The following VPS45 variants were observed in gnomAD, a reference collection of about 807,000 sequenced individuals.
The protein encoded by VPS45 is vacuolar protein sorting 45 homolog.
A neutral mutation model predicts 75.9 loss-of-function variants in VPS45; 35 were observed. That is an observed-to-expected ratio of 0.46 (90% CI 0.35 to 0.61). The LOEUF (loss-of-function observed/expected upper bound fraction) is 0.61. Ranked by LOEUF, VPS45 falls within the 20% of genes least tolerant of loss-of-function variation. The probability of loss-of-function intolerance (pLI) is 0.00; values close to 1 mark genes in which losing one functional copy is unlikely to be tolerated. For synonymous variants in VPS45, 220 were observed against 238.2 expected, an observed-to-expected ratio of 0.92 and a Z score of 0.70; for missense variants, 559 against 685.9, an observed-to-expected ratio of 0.81 and a Z score of 2.07.
chr1:150,086,237 T>C (rs587643437), intron 10 of VPS45, among the ~76,000 whole-genome samples: 1 of 152,164 alleles, frequency 6.6e-6, no homozygotes, highest in Non-Finnish European at 1.5e-5. Flanking sequence ...ACTCTAAAAC[T>C]CAGTCCTTTT....
At chr1:150,130,197 A>ATTTT (rs1553811978) in intron 14 of VPS45, among the ~76,000 whole-genome samples, 1 of 14,296 alleles carries the variant, frequency 7.0e-5, no homozygotes, top group African/African-American at 2.9e-4. Flanking sequence ...ACACACACAC[A>ATTTT]CTTTTTTTTT....
chr1:150,112,067 T>A (rs1553807273), intron 14 of VPS45, among the ~76,000 whole-genome samples: 2 of 152,230 alleles, frequency 1.3e-5, no homozygotes, highest in Non-Finnish European at 1.5e-5. Context: ...TCTTTGTTAG[T>A]GTCCAGAACT....
rs182879740 is a variant in VPS45 at position 150,134,295 on chromosome 1, T to G, written c.1626-10414T>G. ...TTCTCTTGAAAAGTCAAAACTCATA[T>G]TAGCATATTAAAGATTCTGAGAAAA... On this transcript the variant is annotated intron_variant, in intron 14 of 14. Transcript: ENST00000644510. Among the ~76,000 whole-genome samples the G allele has an allele frequency of 5.5e-3, 836 of 152,358 alleles. 6 individuals are homozygous for G. Among genetic ancestry groups the G allele is most frequent in the Middle Eastern group, 0.027 (8 of 294 alleles).
chr1:150,074,109 G>A (rs1483133641), intron 3 of VPS45, among the ~76,000 whole-genome samples: 1 of 151,436 alleles, frequency 6.6e-6, no homozygotes, highest in Admixed American at 6.6e-5. Context: ...CCACCTCCCG[G>A]GTTCAAGCGA....
chr1:150,069,543 G>A (rs868911491), intron 2 of VPS45, among the ~76,000 whole-genome samples: 5 of 142,612 alleles, frequency 3.5e-5, no homozygotes, highest in South Asian at 4.5e-4. Context: ...TGCAAGCTCC[G>A]CCTCCCGGGT....
At chr1:150,125,435 G>A (rs1275405589) in intron 14 of VPS45, among the ~76,000 whole-genome samples, 1 of 150,774 alleles carries the variant, frequency 6.6e-6, no homozygotes, top group African/African-American at 2.4e-5. Context: ...GTATACATGT[G>A]CCATGTTGGT....
At chr1:150,082,615 G>A in intron 9 of VPS45, 101 bp from the exon 10 acceptor site, 6 of 1,427,470 alleles carry the variant, frequency 4.2e-6, no homozygotes, top group South Asian at 2.8e-5. Context: ...CTTTAATCTG[G>A]GCTGAAAAAC....
intron 13 of VPS45, chr1:150,109,924 T>C (rs1657551291): frequency 6.6e-6 from 1 of 152,194 alleles, no homozygotes. Context: ...AAAGATAGAG[T>C]TCCTAGAAGC....
At chr1:150,105,798 G>A (rs1553805572) in intron 13 of VPS45, among the ~76,000 whole-genome samples, 1 of 152,120 alleles carries the variant, frequency 6.6e-6, no homozygotes, top group African/African-American at 2.4e-5. Context: ...AGCCTGAATA[G>A]CCAAGGTGCT....
intron 13 of VPS45, among the ~76,000 whole-genome samples, chr1:150,104,094 C>T (rs1657186326): frequency 6.6e-6 from 1 of 151,912 alleles, no homozygotes; most frequent in Admixed American, 6.6e-5. Flanking sequence ...TTTATTGTTT[C>T]CGAACACTTT....
At chr1:150,087,563 A>T (rs1301733325) in intron 10 of VPS45, among the ~76,000 whole-genome samples, 1 of 152,132 alleles carries the variant, frequency 6.6e-6, no homozygotes, top group Non-Finnish European at 1.5e-5. Flanking sequence ...TGAAATCTCA[A>T]TGTAATGTAT....
chr1:150,127,685 G>A (rs782497531), intron 14 of VPS45, among the ~76,000 whole-genome samples: 8 of 152,224 alleles, frequency 5.3e-5, no homozygotes, highest in Non-Finnish European at 1.0e-4. Flanking sequence ...CATAAAGCTA[G>A]TAAGTGGTAA....
Position 150,144,754 on chromosome 1 carries a change from G to A in VPS45, c.1671G>A (p.Lys557=). 6.2e-7 allele frequency: 1 copy of A among 1,614,170 alleles called. No individual in the cohort carries two copies. The highest frequency in any genetic ancestry group is 1.1e-5 in the South Asian group (1 of 91,078). ...CTTCTGGACTGCACAGCCGAAGCAAGGAGAGCTCTCAAGTCACATCAAGGT... is the reference window on the plus strand; with the variant it reads ...CTTCTGGACTGCACAGCCGAAGCAAAGAGAGCTCTCAAGTCACATCAAGGT... ...VLASGLHSRS[K]ESSQVTSRSA... Residue 557 remains lysine, a synonymous_variant, in exon 15 of 15, where the codon AAG becomes AAA. Coordinates refer to ENST00000644510, the MANE Select transcript of VPS45 (RefSeq NM_007259.5).
chr1:150,076,221 C>G lies in VPS45; in HGVS notation c.290-12C>G. 6.3e-7 allele frequency: 1 copy of G among 1,596,778 alleles called. No individual in the cohort carries two copies. Among genetic ancestry groups the G allele is most frequent in the Non-Finnish European group, 8.5e-7 (1 of 1,169,648 alleles). ...TATCTCCTTTGAGTCAACCCCAACT[C>G]ATGTGTTTCAGATTTCAGTAATGTG... On this transcript the variant is annotated splice_polypyrimidine_tract_variant and intron_variant, in intron 3 of 14. Transcript: ENST00000644510.
At chr1:150,072,672 A>AACT (rs1198741898) in intron 3 of VPS45, among the ~76,000 whole-genome samples, 1 of 142,504 alleles carries the variant, frequency 7.0e-6, no homozygotes, top group Non-Finnish European at 1.5e-5. Context: ...AAAAAAAAAT[A>AACT]CTTTTGACCA....
intron 14 of VPS45, among the ~76,000 whole-genome samples, chr1:150,131,164 C>A (rs1553812286): frequency 6.6e-6 from 1 of 152,138 alleles, no homozygotes; most frequent in Non-Finnish European, 1.5e-5. Context: ...GTGTTTATAT[C>A]TTCACATCAT....
intron 10 of VPS45, among the ~76,000 whole-genome samples, chr1:150,088,758 C>T (rs1369000014): frequency 6.6e-6 from 1 of 152,050 alleles, no homozygotes; most frequent in Non-Finnish European, 1.5e-5. Flanking sequence ...GGATTATAGA[C>T]CTGAGCCACC....
intron 14 of VPS45, among the ~76,000 whole-genome samples, chr1:150,131,690 A>AAAAC (rs1416957046): frequency 6.7e-6 from 1 of 150,142 alleles, no homozygotes; most frequent in Non-Finnish European, 1.5e-5. Flanking sequence ...AAAAAAAAAA[A>AAAAC]GTATTTTTAG....
At chr1:150,081,252 A>G in intron 7 of VPS45, 90 bp from the exon 8 acceptor site, 2 of 1,287,990 alleles carry the variant, frequency 1.6e-6, no homozygotes, top group South Asian at 1.5e-5. Context: ...GACTAGTTAA[A>G]GAATGTTATC....
Sources: gnomAD v4.1 joint callset for allele counts (sites outside exome capture counted in the v4.1 genomes callset) on GRCh38, gnomAD v4.1.1 for gene constraint, MANE v1.5 for transcripts, NCBI Gene and HGNC (gene_info 2026-07-23, HGNC 2026-07-21) for gene names.